PSMB6: variants seen among roughly 807,000 people sequenced by gnomAD.
PSMB6 encodes proteasome 20S subunit beta 6.
Under a neutral mutation model 28.2 loss-of-function variants are expected in PSMB6, and 11 were observed. The ratio of observed to expected loss-of-function variants is 0.39; its 90% CI spans 0.25 to 0.65. The LOEUF is 0.65. Ranked by LOEUF, PSMB6 falls within the 30% of genes least tolerant of loss-of-function variation. PSMB6 has a pLI of 0.48. For synonymous variants in PSMB6, 126 were observed against 117.7 expected (o/e 1.07, Z -0.45); for missense variants, 268 against 319.4 (o/e 0.84, Z 1.23).
At position 4,796,398 on chromosome 17, in the gene PSMB6, G is replaced by T; in HGVS notation, c.102+102G>T. On this transcript the variant is annotated intron_variant, in intron 1 of 5. Transcript: ENST00000270586. ...GAGATCTGGCAGGGGTGGAGAGGAGGTGGAATGTGTTGTGCTCCAGGAATG... is the reference window on the plus strand; with the variant it reads ...GAGATCTGGCAGGGGTGGAGAGGAGTTGGAATGTGTTGTGCTCCAGGAATG... 4 of 979,064 alleles carry T rather than the reference G, an allele frequency of 4.1e-6. No individual in the cohort carries two copies. The South Asian group carries it at 6.3e-5, about 15-fold the overall frequency. The allele number at this position is 979,064 out of a possible 1,614,324, so 60.6% of individuals were successfully genotyped here.
intron 2 of PSMB6, 183 bp from the exon 3 acceptor site, chr17:4,797,255 C>A: frequency 1.5e-6 from 1 of 677,040 alleles, no homozygotes; most frequent in Non-Finnish European, 2.3e-6. Context: ...GTGGATGTTG[C>A]AGTGAGCAGA....
In PSMB6 at chr17:4,798,284, C is replaced by A. The variant is rs750337493; in HGVS notation, c.582C>A (p.Leu194=). 3.1e-6 allele frequency: 5 copies of A among 1,614,086 alleles called. No individual in the cohort carries two copies. The Admixed American group carries it at 8.3e-5, about 27-fold the overall frequency. The part of the protein sequence containing the change: ...EECLQFTANA[L]ALAMERDGSS... ...GCTTTCTTCTTTTATCCACAGCTCTCGCTTTGGCCATGGAGCGGGATGGCT... is the reference window on the plus strand; with the variant it reads ...GCTTTCTTCTTTTATCCACAGCTCTAGCTTTGGCCATGGAGCGGGATGGCT... The change falls in exon 6 of 6, where the codon CTC becomes CTA. Residue 194 remains leucine (L), a synonymous_variant. Coordinates refer to ENST00000270586, the MANE Select transcript of PSMB6 (RefSeq NM_002798.3).
chr17:4,796,390 G>A, intron 1 of PSMB6, 94 bp downstream of exon 1: 1 of 1,028,166 alleles, frequency 9.7e-7, no homozygotes, highest in Non-Finnish European at 1.4e-6. Flanking sequence ...GGCAGGGGTG[G>A]AGAGGAGGTG....
rs747395317 is a variant in PSMB6 at position 4,798,061 on chromosome 17, G to C, written c.485G>C (p.Gly162Ala). The C allele has an allele frequency of 6.2e-7, 1 of 1,614,114 alleles. No homozygotes were observed. Among genetic ancestry groups the C allele is most frequent in the South Asian group, 1.1e-5 (1 of 91,080 alleles). The change falls in exon 5 of 6, where the codon GGA becomes GCA. Residue 162 changes from glycine (G) to alanine (A), a missense_variant. By Grantham distance (60) the Gly-to-Ala change is moderately conservative (BLOSUM62 0). Coordinates refer to ENST00000270586, the MANE Select transcript of PSMB6 (RefSeq NM_002798.3). ...GMMVRQSFAI[G>A]GSGSSYIYGY... is the part of the protein sequence containing the mutation. ...ATGGTAAGGCAGTCCTTTGCCATTG[G>C]AGGCTCCGGGAGCTCCTACATCTAT...
rs11552523 is a variant in PSMB6, at chr17:4,796,793, T to C, written c.168T>C (p.Thr56=). Residue 56 remains threonine, a splice_region_variant and synonymous_variant, in exon 2 of 6, where the codon ACT becomes ACC. Coordinates refer to ENST00000270586, the MANE Select transcript of PSMB6 (RefSeq NM_002798.3). ...VVLGADSRTT[T]GSYIANRVTD... is the part of the protein sequence containing the mutation. ...TGGGGGCGGACTCCAGAACAACCAC[T>C]GGGTGAGCTCAGGACAGATTTGTGA... 37,420 of 1,595,658 alleles carry C rather than the reference T, an allele frequency of 0.023. 562 individuals carry two copies. The highest frequency in any genetic ancestry group is 0.029 in the Non-Finnish European group (33,245 of 1,163,218).
Position 4,797,797 on chromosome 17 carries a change from C to T in PSMB6, c.418C>T (p.Gln140Ter). The change falls in exon 4 of 6, where the codon CAA becomes TAA. Residue 140 changes from glutamine to a stop codon, truncating the protein, a stop_gained. Coordinates refer to ENST00000270586, the MANE Select transcript of PSMB6 (RefSeq NM_002798.3). LOFTEE classifies it high-confidence loss of function. The part of the protein sequence containing the change: ...AGIIIAGWDP[Q>*]EGGQVYSVPM... The stretch of plus-strand genomic sequence containing the variant: ...AATCATCATCGCAGGCTGGGACCCT[C>T]AAGAAGGAGGGCAGGTCAGATCCCC... The T allele has an allele frequency of 6.2e-7, 1 of 1,614,074 alleles. No homozygotes were observed. Among genetic ancestry groups the T allele is most frequent in the Non-Finnish European group, 8.5e-7 (1 of 1,179,978 alleles).
In PSMB6 at chr17:4,798,065, C is replaced by T; in HGVS notation, c.489C>T (p.Gly163=). ...MMVRQSFAIG[G]SGSSYIYGYV... ...TAAGGCAGTCCTTTGCCATTGGAGG[C>T]TCCGGGAGCTCCTACATCTATGGCT... Residue 163 remains glycine (G), a synonymous_variant, in exon 5 of 6, where the codon GGC becomes GGT. Transcript: ENST00000270586. The T allele has an allele frequency of 1.2e-6, 2 of 1,614,142 alleles. No individual in the cohort carries two copies. Among genetic ancestry groups the T allele is most frequent in the Non-Finnish European group, 1.7e-6 (2 of 1,180,004 alleles).
intron 2 of PSMB6, 105 bp downstream of exon 2, chr17:4,796,900 T>C: frequency 2.1e-6 from 2 of 946,686 alleles, no homozygotes; most frequent in Non-Finnish European, 3.3e-6. Context: ...GAAGAGAGGT[T>C]TCTTCTCTCT....
Position 4,796,236 on chromosome 17 carries a change from A to G in PSMB6, c.42A>G (p.Ala14=). The change falls in exon 1 of 6, where the codon GCA becomes GCG. Residue 14 remains alanine (A), a synonymous_variant. Coordinates refer to ENST00000270586, the MANE Select transcript of PSMB6 (RefSeq NM_002798.3). ...TAGCTGCTCGGGGAGCCGGGCCAGC[A>G]CCGGCTTGGGGGCCGGAGGCGTTCA... ...TLLAARGAGP[A]PAWGPEAFTP... The G allele has an allele frequency of 6.3e-7, 1 of 1,594,912 alleles. No homozygotes were observed. Among genetic ancestry groups the G allele is most frequent in the Non-Finnish European group, 8.5e-7 (1 of 1,170,848 alleles).
chr17:4,796,882 C>T, intron 2 of PSMB6, 87 bp downstream of exon 2: 1 of 1,127,746 alleles, frequency 8.9e-7, no homozygotes, highest in South Asian at 1.4e-5. Context: ...CTCCACAGAC[C>T]ACTGTGGGAA....
chr17:4,798,302 G>C lies in PSMB6; in HGVS notation c.600G>C (p.Arg200=). Residue 200 remains arginine, a synonymous_variant, in exon 6 of 6, where the codon CGG becomes CGC. Transcript: ENST00000270586. ...TANALALAME[R]DGSSGGVIRL... ...CAGCTCTCGCTTTGGCCATGGAGCG[G>C]GATGGCTCCAGTGGAGGAGTGATCC... The C allele has an allele frequency of 6.2e-7, 1 of 1,614,208 alleles. No homozygotes were observed. Among genetic ancestry groups the C allele is most frequent in the South Asian group, 1.1e-5 (1 of 91,088 alleles).
At chr17:4,797,616 C>T (rs768640751) in intron 3 of PSMB6, 47 bp downstream of exon 3, 3 of 1,600,060 alleles carry the variant, frequency 1.9e-6, no homozygotes, top group Non-Finnish European at 1.7e-6. Flanking sequence ...GAGTTGGAAG[C>T]TGAGGAGCTA....
At chr17:4,797,888 A>G in intron 4 of PSMB6, 77 bp downstream of exon 4, 1 of 1,604,884 alleles carries the variant, frequency 6.2e-7, no homozygotes, top group Non-Finnish European at 8.5e-7. Context: ...TTTTCTTTCC[A>G]GTCTCTACCT....
Position 4,796,221 on chromosome 17 carries a change from G to C in PSMB6, c.27G>C (p.Arg9=). The part of the protein sequence containing the change: MAATLLAA[R]GAGPAPAWGP... ...TGGCGGCTACCTTACTAGCTGCTCGGGGAGCCGGGCCAGCACCGGCTTGGG... is the reference window on the plus strand; with the variant it reads ...TGGCGGCTACCTTACTAGCTGCTCGCGGAGCCGGGCCAGCACCGGCTTGGG... The change falls in exon 1 of 6, where the codon CGG becomes CGC. Residue 9 remains arginine, a synonymous_variant. Coordinates refer to ENST00000270586, the MANE Select transcript of PSMB6 (RefSeq NM_002798.3). The C allele has an allele frequency of 1.3e-6, 2 of 1,592,822 alleles. No homozygotes were observed. The highest frequency in any genetic ancestry group is 1.7e-6 in the Non-Finnish European group (2 of 1,169,752).
chr17:4,797,072 G>T, intron 2 of PSMB6: 1 of 450,726 alleles, frequency 2.2e-6, no homozygotes, highest in Admixed American at 4.0e-5. Context: ...CCAGTACTTT[G>T]GGAGGCCGAG....
At chr17:4,796,408 T>A (rs1379696326) in intron 1 of PSMB6, 112 bp downstream of exon 1, 1 of 915,256 alleles carries the variant, frequency 1.1e-6, no homozygotes, top group Non-Finnish European at 1.7e-6. Context: ...GTGGAATGTG[T>A]TGTGCTCCAG....
chr17:4,796,383 A>T (rs1905330816), intron 1 of PSMB6, 87 bp downstream of exon 1: 1 of 1,067,644 alleles, frequency 9.4e-7, no homozygotes, highest in African/African-American at 1.6e-5. Flanking sequence ...GAGATCTGGC[A>T]GGGGTGGAGA....
intron 1 of PSMB6, among the ~76,000 whole-genome samples, 192 bp downstream of exon 1, chr17:4,796,488 C>G (rs1287409405): frequency 6.6e-6 from 1 of 152,058 alleles, no homozygotes; most frequent in African/African-American, 2.4e-5. Flanking sequence ...GGAGGGTGGG[C>G]TGAAGTTTGA....
In PSMB6 at chr17:4,796,245, G is replaced by T. The variant is rs1217513442; in HGVS notation, c.51G>T (p.Trp17Cys). 1 of 1,592,852 alleles carries T rather than the reference G, an allele frequency of 6.3e-7. No individual in the cohort carries two copies. The highest frequency in any genetic ancestry group is 8.5e-7 in the Non-Finnish European group (1 of 1,169,964). Residue 17 changes from tryptophan to cysteine, a missense_variant, in exon 1 of 6, where the codon TGG becomes TGT. Physicochemically the swap from Trp to Cys is radical, Grantham distance 215. Transcript: ENST00000270586. Reference protein sequence around the residue: ...AARGAGPAPAWGPEAFTPDWE... With the variant: ...AARGAGPAPACGPEAFTPDWE... ...GGGGAGCCGGGCCAGCACCGGCTTG[G>T]GGGCCGGAGGCGTTCACTCCAGACT... is the stretch of plus-strand genomic sequence containing the variant.
Sources: allele counts gnomAD v4.1 joint callset (sites outside exome capture counted in the v4.1 genomes callset), GRCh38; gene constraint gnomAD v4.1.1; transcripts MANE v1.5; gene names NCBI Gene and HGNC (gene_info 2026-07-23, HGNC 2026-07-21).